The following FARSB variants were observed in gnomAD, a reference collection of about 807,000 sequenced individuals.
The protein encoded by FARSB is phenylalanine--tRNA ligase beta subunit.
A neutral mutation model predicts 69.6 loss-of-function variants in FARSB; 40 were observed. The observed-to-expected ratio is 0.57, with a 90% CI of 0.45 to 0.75. The LOEUF is 0.75. Among genes scored for constraint, FARSB ranks in the 30% least tolerant of loss-of-function variants. The pLI is 0.00. For missense variants in FARSB, 632 were observed against 722.9 expected (o/e 0.87, Z 1.44); for synonymous variants, 235 against 247.2 (o/e 0.95, Z 0.46).
chr2:222,649,282 T>TA lies in FARSB; in HGVS notation c.59-488dup, dbSNP rs910200045. ...AAAGCTGGGCCAAAAAAATTTAAGA[T>TA]AAAAAAAAGAAAAAACTATTAAAGG... On this transcript the variant is annotated intron_variant, in intron 1 of 16. Coordinates refer to ENST00000281828, the MANE Select transcript of FARSB (RefSeq NM_005687.5). Among the ~76,000 whole-genome samples, 46 of 79,660 alleles carry TA rather than the reference T, an allele frequency of 5.8e-4. 1 individual carries two copies. In the East Asian group the frequency reaches 0.016, roughly 27 times the overall value. The allele number at this position is 79,660 out of a possible 152,430, so 52.3% of individuals were successfully genotyped here.
intron 16 of FARSB, among the ~76,000 whole-genome samples, chr2:222,584,564 A>G (rs1318786909): frequency 6.6e-6 from 1 of 152,226 alleles, no homozygotes; most frequent in African/African-American, 2.4e-5. Context: ...CAGTAAGCAC[A>G]AGGGGTCGGG....
chr2:222,600,255 C>T (rs1447072802), intron 15 of FARSB, among the ~76,000 whole-genome samples, 172 bp from the exon 16 acceptor site: 1 of 152,130 alleles, frequency 6.6e-6, no homozygotes, highest in Non-Finnish European at 1.5e-5. Flanking sequence ...CTTTTTTCAG[C>T]TCATCAAATT....
Position 222,641,570 on chromosome 2 carries a change from A to G in FARSB, c.270-639T>C, listed in dbSNP as rs1014406154. On this transcript the variant is annotated intron_variant, in intron 3 of 16. Transcript: ENST00000281828. ...GGCGACTAAGACTGCATTTCTAGTAAGTTCTCATGTGATTCAGATGCTGCT... is the reference window on the plus strand; with the variant it reads ...GGCGACTAAGACTGCATTTCTAGTAGGTTCTCATGTGATTCAGATGCTGCT... Among the ~76,000 whole-genome samples the G allele has an allele frequency of 2.0e-5, 3 of 152,200 alleles. No homozygotes were observed. In the East Asian group the frequency reaches 5.8e-4, roughly 29 times the overall value.
chr2:222,571,803 G>A lies in FARSB; in HGVS notation c.*68C>T, dbSNP rs961850067. 1.5e-6 allele frequency: 2 copies of A among 1,329,550 alleles called. No homozygotes were observed. Among genetic ancestry groups the A allele is most frequent in the African/African-American group, 2.9e-5 (2 of 67,906 alleles). 82.4% of individuals were successfully genotyped at this position (1,329,550 alleles called of 1,614,324 possible). On this transcript the variant is annotated 3_prime_UTR_variant, in exon 17 of 17. Transcript: ENST00000281828. ...CCAAATAGATGTTCCCTGTGGAGGAGGACTTAAGGACACTAGGGGAGGAGA... is the reference window on the plus strand; with the variant it reads ...CCAAATAGATGTTCCCTGTGGAGGAAGACTTAAGGACACTAGGGGAGGAGA...
intron 10 of FARSB, 105 bp from the exon 11 acceptor site, chr2:222,624,880 G>A: frequency 1.5e-6 from 1 of 650,566 alleles, no homozygotes; most frequent in East Asian, 2.8e-5. Flanking sequence ...CCAAGAAATT[G>A]TCATTAGAGC....
At chr2:222,598,420 T>C (rs182519523) in intron 16 of FARSB, among the ~76,000 whole-genome samples, 2 of 152,334 alleles carry the variant, frequency 1.3e-5, no homozygotes, top group East Asian at 3.9e-4. Flanking sequence ...AAGCATCACA[T>C]CCACCACAAG....
chr2:222,612,561 G>A lies in FARSB; in HGVS notation c.1462+1250C>T, dbSNP rs75471312. On this transcript the variant is annotated intron_variant, in intron 15 of 16. Coordinates refer to ENST00000281828, the MANE Select transcript of FARSB (RefSeq NM_005687.5). ...ATGTTTATCCTCTTCTGGAGAAATT[G>A]AGAATAAGGTCTCTGCTTTTGTCAA... is the stretch of plus-strand genomic sequence containing the variant. Among the ~76,000 whole-genome samples the A allele has an allele frequency of 5.6e-4, 85 of 152,354 alleles. 1 individual carries two copies. The East Asian group carries it at 0.014, about 26-fold the overall frequency.
intron 1 of FARSB, among the ~76,000 whole-genome samples, chr2:222,652,960 A>T (rs1311219159): frequency 3.3e-5 from 5 of 152,218 alleles, no homozygotes; most frequent in Non-Finnish European, 7.4e-5. Flanking sequence ...CTATACAAAG[A>T]AAAATCAACA....
chr2:222,628,464 T>A (rs1372338196), intron 10 of FARSB, among the ~76,000 whole-genome samples: 7 of 152,190 alleles, frequency 4.6e-5, no homozygotes, highest in Admixed American at 1.3e-4. Context: ...AAACATTTTT[T>A]AAAAAACTAC....
chr2:222,643,861 G>GT (rs987008921), intron 2 of FARSB, among the ~76,000 whole-genome samples: 4 of 152,188 alleles, frequency 2.6e-5, no homozygotes, highest in Non-Finnish European at 4.4e-5. Context: ...CTACAGCAGA[G>GT]TAACAGATTT....
At chr2:222,622,906 T>C in intron 13 of FARSB, among the ~76,000 whole-genome samples, 1 of 152,178 alleles carries the variant, frequency 6.6e-6, no homozygotes, top group East Asian at 1.9e-4. Context: ...TGCTTAATAT[T>C]TATTAAGCAA....
intron 13 of FARSB, among the ~76,000 whole-genome samples, chr2:222,621,903 A>G (rs552561679): frequency 5.1e-4 from 77 of 152,322 alleles, no homozygotes; most frequent in Non-Finnish European, 9.6e-4. Context: ...ACAAATCTGA[A>G]ACCCTCTAGG....
intron 14 of FARSB, among the ~76,000 whole-genome samples, chr2:222,614,343 A>G (rs1690943367): frequency 6.6e-6 from 1 of 152,150 alleles, no homozygotes; most frequent in Non-Finnish European, 1.5e-5. Context: ...GCAGCCTCAA[A>G]TGCCTCAAAT....
intron 1 of FARSB, 107 bp from the exon 2 acceptor site, chr2:222,648,902 T>C: frequency 2.6e-6 from 2 of 780,420 alleles, no homozygotes; most frequent in Non-Finnish European, 4.6e-6. Flanking sequence ...CCAATCATAC[T>C]ACTAAATATC....
At chr2:222,625,557 T>C (rs1691247513) in intron 10 of FARSB, among the ~76,000 whole-genome samples, 1 of 152,204 alleles carries the variant, frequency 6.6e-6, no homozygotes, top group African/African-American at 2.4e-5. Flanking sequence ...CAGGTCTTGA[T>C]AGCTAGTGGC....
chr2:222,624,576 T>C (rs1691219950), intron 11 of FARSB, 97 bp from the exon 12 acceptor site: 1 of 958,158 alleles, frequency 1.0e-6, no homozygotes, highest in Admixed American at 2.2e-5. Context: ...ACAGTAACCT[T>C]TCTTTTTGAG....
intron 1 of FARSB, 148 bp from the exon 2 acceptor site, chr2:222,648,943 C>T (rs1691949149): frequency 1.5e-6 from 1 of 668,714 alleles, no homozygotes; most frequent in East Asian, 2.6e-5. Context: ...TAAAAACAAA[C>T]AGGCCAGGCA....
chr2:222,653,874 G>A (rs531613231), intron 1 of FARSB, among the ~76,000 whole-genome samples: 1 of 151,892 alleles, frequency 6.6e-6, no homozygotes, highest in Admixed American at 6.6e-5. Context: ...TGCCCACCTC[G>A]TCCTCCCAAA....
rs552803518 is a variant in FARSB at position 222,627,221 on chromosome 2, T to C, written c.900+1616A>G. Among the ~76,000 whole-genome samples the C allele has an allele frequency of 3.3e-5, 5 of 152,362 alleles. No individual in the cohort carries two copies. In the South Asian group the frequency reaches 1.0e-3, roughly 32 times the overall value. On this transcript the variant is annotated intron_variant, in intron 10 of 16. Transcript: ENST00000281828. ...CACTGCCAATCTTCCAATCAGGAGATGACATCTATTTCTCCACCTGTCAAA... is the reference window on the plus strand; with the variant it reads ...CACTGCCAATCTTCCAATCAGGAGACGACATCTATTTCTCCACCTGTCAAA...
Sources: gnomAD v4.1 joint callset for allele counts (sites outside exome capture counted in the v4.1 genomes callset) on GRCh38, gnomAD v4.1.1 for gene constraint, MANE v1.5 for transcripts, NCBI Gene and HGNC (gene_info 2026-07-23, HGNC 2026-07-21) for gene names.